MAST4: variants seen among roughly 807,000 people sequenced by gnomAD.
MAST4 encodes microtubule-associated serine/threonine-protein kinase 4.
MAST4 carries 89 observed loss-of-function variants against 162.7 expected under a neutral mutation model. That is an observed-to-expected ratio of 0.55 (90% CI 0.46 to 0.65). The LOEUF (loss-of-function observed/expected upper bound fraction) is 0.65. Among genes scored for constraint, MAST4 ranks in the 30% least tolerant of loss-of-function variants. MAST4 has a pLI of 0.00. For synonymous variants in MAST4, 1,479 were observed against 1,361.1 expected, an observed-to-expected ratio of 1.09 and a Z score of -1.91; for missense variants, 3,153 against 3,374.0, an observed-to-expected ratio of 0.93 and a Z score of 1.62.
At chr5:66,920,143 A>C (rs1764436147) in intron 4 of MAST4, among the ~76,000 whole-genome samples, 1 of 152,188 alleles carries the variant, frequency 6.6e-6, no homozygotes, top group African/African-American at 2.4e-5. Flanking sequence ...TGAACCTCTC[A>C]AAAGCCAAGA....
At chr5:66,608,354 C>CTTTTT (rs1458041916) in intron 1 of MAST4, among the ~76,000 whole-genome samples, 1 of 89,450 alleles carries the variant, frequency 1.1e-5, no homozygotes, top group Non-Finnish European at 2.1e-5. Flanking sequence ...CTGTGCCTGG[C>CTTTTT]CTTTTTTTTT....
At chr5:66,767,702 T>G (rs33722) in intron 2 of MAST4, among the ~76,000 whole-genome samples, 1 of 151,856 alleles carries the variant, frequency 6.6e-6, no homozygotes, top group Non-Finnish European at 1.5e-5. Context: ...AGCTGAGGAG[T>G]AAGGAGAGCC....
chr5:67,094,588 T>C (rs1006099456), intron 6 of MAST4, among the ~76,000 whole-genome samples: 2 of 152,206 alleles, frequency 1.3e-5, no homozygotes, highest in African/African-American at 4.8e-5. Context: ...CAAATTTGCA[T>C]AGAACATTCA....
rs1374095730 is a variant in MAST4 at position 67,133,550 on chromosome 5, A to G, written c.2130A>G (p.Thr710=). The change falls in exon 17 of 29, where the codon ACA becomes ACG. Residue 710 remains threonine (T), a synonymous_variant. Transcript: ENST00000403625. ...CCTCCATGGGGCACATAAAGCTGAC[A>G]GATTTTGGATTATCTAAGGTGGGAC... The part of the protein sequence containing the change: ...LVTSMGHIKL[T]DFGLSKVGLM... The G allele has an allele frequency of 6.2e-6, 10 of 1,613,342 alleles. No individual in the cohort carries two copies. Among genetic ancestry groups the G allele is most frequent in the Non-Finnish European group, 4.2e-6 (5 of 1,179,466 alleles).
chr5:67,063,270 C>T (rs1163002296), intron 5 of MAST4, among the ~76,000 whole-genome samples: 4 of 152,024 alleles, frequency 2.6e-5, no homozygotes, highest in Admixed American at 1.3e-4. Flanking sequence ...GATGGACTGA[C>T]GTCAGTCAAT....
intron 4 of MAST4, among the ~76,000 whole-genome samples, chr5:66,940,802 A>G (rs1743279478): frequency 6.6e-6 from 1 of 152,044 alleles, no homozygotes; most frequent in Non-Finnish European, 1.5e-5. Flanking sequence ...CTTTGCCCAG[A>G]TCCATTAGAG....
intron 1 of MAST4, among the ~76,000 whole-genome samples, chr5:66,684,915 T>A (rs1057479658): frequency 3.3e-5 from 5 of 152,128 alleles, no homozygotes; most frequent in Non-Finnish European, 4.4e-5. Context: ...AGTAAGTTCT[T>A]CTGGCATAAG....
intron 3 of MAST4, among the ~76,000 whole-genome samples, chr5:66,859,083 A>G (rs187044323): frequency 4.6e-5 from 7 of 152,284 alleles, no homozygotes; most frequent in Admixed American, 4.6e-4. Context: ...TAGTAGAGAC[A>G]TTCTATCAAC....
At chr5:66,725,268 A>G (rs1007190322) in intron 1 of MAST4, among the ~76,000 whole-genome samples, 1 of 152,168 alleles carries the variant, frequency 6.6e-6, no homozygotes, top group Admixed American at 6.5e-5. Flanking sequence ...GTGTTTTAAT[A>G]AAAATTAATA....
At chr5:67,073,250 G>A (rs1165435564) in intron 5 of MAST4, among the ~76,000 whole-genome samples, 1 of 152,184 alleles carries the variant, frequency 6.6e-6, no homozygotes, top group East Asian at 1.9e-4. Context: ...AGAAACTCTT[G>A]ACACTGATGC....
chr5:66,955,383 A>G (rs937132282), intron 4 of MAST4, among the ~76,000 whole-genome samples: 1 of 151,970 alleles, frequency 6.6e-6, no homozygotes, highest in Non-Finnish European at 1.5e-5. Context: ...TGTGCTTGGT[A>G]TATGTGAAGG....
At chr5:66,851,632 G>C (rs1021560991) in intron 3 of MAST4, among the ~76,000 whole-genome samples, 2 of 152,186 alleles carry the variant, frequency 1.3e-5, no homozygotes, top group Non-Finnish European at 2.9e-5. Context: ...TTAAAAACCT[G>C]TGCTATGTAT....
intron 4 of MAST4, among the ~76,000 whole-genome samples, chr5:66,951,924 TCTC>T (rs1349775356): frequency 6.6e-6 from 1 of 152,148 alleles, no homozygotes; most frequent in Non-Finnish European, 1.5e-5. Context: ...GCTATCTAGG[TCTC>T]CTGCATGGAG....
chr5:66,917,523 T>G (rs1302558304), intron 4 of MAST4: 1 of 152,042 alleles, frequency 6.6e-6, no homozygotes, highest in African/African-American at 2.4e-5. Flanking sequence ...TTAAATTTTC[T>G]CACTATTTTT....
At chr5:67,025,946 T>C (rs961494949) in intron 4 of MAST4, among the ~76,000 whole-genome samples, 1 of 152,202 alleles carries the variant, frequency 6.6e-6, no homozygotes, top group African/African-American at 2.4e-5. Context: ...TGCTTTTCCC[T>C]AATTAAATGT....
At chr5:66,906,039 T>A (rs71626457) in intron 4 of MAST4, among the ~76,000 whole-genome samples, 4,992 of 152,272 alleles carry the variant, frequency 0.033, 152 homozygotes, top group African/African-American at 0.076. Flanking sequence ...GCAGAGCCAT[T>A]TAAAAATGTG....
intron 1 of MAST4, among the ~76,000 whole-genome samples, chr5:66,718,774 T>C (rs757910301): frequency 7.9e-5 from 12 of 152,316 alleles, no homozygotes; most frequent in Non-Finnish European, 5.9e-5. Flanking sequence ...TTTTGTATCA[T>C]GCATTCGAGG....
chr5:67,166,040 A>G lies in MAST4; in HGVS notation c.6861A>G (p.Gln2287=), dbSNP rs761462425. 1.9e-6 allele frequency: 3 copies of G among 1,613,576 alleles called. No homozygotes were observed. In the African/African-American group the frequency reaches 4.0e-5, roughly 22 times the overall value. The stretch of plus-strand genomic sequence containing the variant: ...GGGCTCCTCTAGACGCCAAGCCACA[A>G]CCCACCAGTGGTGGGCGGCCCCTGG... ...TDRAPLDAKP[Q]PTSGGRPLEV... is the part of the protein sequence containing the mutation. Residue 2287 remains glutamine, a synonymous_variant, in exon 29 of 29, where the codon CAA becomes CAG. Transcript: ENST00000403625.
In MAST4 at chr5:67,165,578, C is replaced by T; in HGVS notation, c.6399C>T (p.Ile2133=). The change falls in exon 29 of 29, where the codon ATC becomes ATT. Residue 2133 remains isoleucine, a synonymous_variant. Coordinates refer to ENST00000403625, the MANE Select transcript of MAST4 (RefSeq NM_001164664.2). ...CTCTACAAAGGCATCCCAGCAGCAT[C>T]CCTCCGCCCCCTCTGACGGCCAAAG... is the stretch of plus-strand genomic sequence containing the variant. ...EQPLQRHPSS[I]PPPPLTAKDL... is the part of the protein sequence containing the mutation. 6.2e-7 allele frequency: 1 copy of T among 1,613,856 alleles called. No homozygotes were observed.
Sources: gnomAD v4.1 joint callset for allele counts (sites outside exome capture counted in the v4.1 genomes callset) on GRCh38, gnomAD v4.1.1 for gene constraint, MANE v1.5 for transcripts, NCBI Gene and HGNC (gene_info 2026-07-23, HGNC 2026-07-21) for gene names.